NCKAP5: variants seen among roughly 807,000 people sequenced by gnomAD.
NCKAP5 encodes NCK associated protein 5, also known as nck-associated protein 5.
A neutral mutation model predicts 167.0 loss-of-function variants in NCKAP5; 92 were observed. The observed-to-expected ratio is 0.55, with a 90% CI of 0.47 to 0.66. The LOEUF is 0.66. Among genes scored for constraint, NCKAP5 ranks in the 30% least tolerant of loss-of-function variants. NCKAP5 has a pLI of 0.00. For synonymous variants in NCKAP5, 891 were observed against 877.4 expected (o/e 1.02, Z -0.27); for missense variants, 2,378 against 2,315.0 (o/e 1.03, Z -0.56).
chr2:132,730,643 A>C (rs532380802), intron 17 of NCKAP5, among the ~76,000 whole-genome samples: 50 of 152,350 alleles, frequency 3.3e-4, no homozygotes, highest in African/African-American at 1.1e-3. Flanking sequence ...GACAGTGTTT[A>C]ATCACGGAGT....
chr2:133,443,169 T>G (rs574913715), intron 3 of NCKAP5, among the ~76,000 whole-genome samples: 1 of 152,210 alleles, frequency 6.6e-6, no homozygotes, highest in Non-Finnish European at 1.5e-5. Flanking sequence ...TATGGGACTA[T>G]GGCATTGGGC....
chr2:133,391,695 C>T (rs950852492), intron 3 of NCKAP5, among the ~76,000 whole-genome samples: 4 of 152,166 alleles, frequency 2.6e-5, no homozygotes, highest in African/African-American at 9.7e-5. Flanking sequence ...CAGGCCCTCA[C>T]CATTTCTCTG....
At chr2:132,694,649 C>A (rs1687135935) in intron 19 of NCKAP5, among the ~76,000 whole-genome samples, 1 of 152,176 alleles carries the variant, frequency 6.6e-6, no homozygotes, top group Non-Finnish European at 1.5e-5. Context: ...TTCCTTCAAT[C>A]ACCTAAGAAT....
At position 133,514,960 on chromosome 2, in the gene NCKAP5, GA is replaced by G. The variant is rs566397125; in HGVS notation, c.69+2497del. 7.9e-5 allele frequency among the ~76,000 whole-genome samples: 12 copies of G among 152,106 alleles called. 1 individual carries two copies. In the South Asian group the frequency reaches 2.5e-3, roughly 32 times the overall value. On this transcript the variant is annotated intron_variant, in intron 3 of 19. Coordinates refer to ENST00000409261, the MANE Select transcript of NCKAP5 (RefSeq NM_207363.3). ...AAAATAAAAAGCATGCATTGGGAAT[GA>G]AAACTGTACTGTAATGCCAGGTTTG... is the stretch of plus-strand genomic sequence containing the variant.
intron 3 of NCKAP5, among the ~76,000 whole-genome samples, chr2:133,370,945 A>T (rs1255493028): frequency 6.6e-6 from 1 of 152,146 alleles, no homozygotes; most frequent in Non-Finnish European, 1.5e-5. Flanking sequence ...TACAAATGAG[A>T]TTCATTCAAG....
At position 133,211,631 on chromosome 2, in the gene NCKAP5, G is replaced by A. The variant is rs187311758; in HGVS notation, c.207+2085C>T. Among the ~76,000 whole-genome samples the A allele has an allele frequency of 7.2e-5, 11 of 152,282 alleles. No individual in the cohort carries two copies. The East Asian group carries it at 2.1e-3, about 29-fold the overall frequency. ...TATCTGTCTCACCAATCACTAGACT[G>A]TAAGCTGTCAGATTTTGCCTGTGTT... On this transcript the variant is annotated intron_variant, in intron 5 of 19. Coordinates refer to ENST00000409261, the MANE Select transcript of NCKAP5 (RefSeq NM_207363.3).
chr2:133,195,264 G>T (rs952054948), intron 5 of NCKAP5, among the ~76,000 whole-genome samples: 1 of 152,074 alleles, frequency 6.6e-6, no homozygotes, highest in East Asian at 1.9e-4. Flanking sequence ...TGTGGCTATC[G>T]AAATGACAAA....
rs58536438 is a variant in NCKAP5 at position 133,364,565 on chromosome 2, G to A, written c.70-61455C>T. ...CTAACAGTTCCTTAGTCCTTCCCTG[G>A]GTTTCATGTTCTCGACACTTTGGAA... is the stretch of plus-strand genomic sequence containing the variant. On this transcript the variant is annotated intron_variant, in intron 3 of 19. Coordinates refer to ENST00000409261, the MANE Select transcript of NCKAP5 (RefSeq NM_207363.3). Among the ~76,000 whole-genome samples the A allele has an allele frequency of 3.3e-3, 509 of 152,000 alleles. 7 individuals carry two copies. The highest frequency in any genetic ancestry group is 0.012 in the African/African-American group (486 of 41,460).
chr2:133,391,615 C>T (rs1444755224), intron 3 of NCKAP5, among the ~76,000 whole-genome samples: 1 of 152,160 alleles, frequency 6.6e-6, no homozygotes, highest in East Asian at 1.9e-4. Context: ...GGAAATCTTG[C>T]TCCCCAGCCC....
Position 132,783,224 on chromosome 2 carries a change from G to A in NCKAP5, c.3587C>T (p.Pro1196Leu). 6.2e-7 allele frequency: 1 copy of A among 1,613,972 alleles called. No individual in the cohort carries two copies. Among genetic ancestry groups the A allele is most frequent in the Non-Finnish European group, 8.5e-7 (1 of 1,179,882 alleles). ...NKSKPEDSKN[P>L]ASMEITAGER... is the part of the protein sequence containing the mutation. ...ACCCGCTGTGATCTCCATGCTTGCTGGATTCTTGGAGTCCTCTGGCTTAGA... is the reference window on the plus strand; with the variant it reads ...ACCCGCTGTGATCTCCATGCTTGCTAGATTCTTGGAGTCCTCTGGCTTAGA... The change falls in exon 14 of 20, where the codon CCA becomes CTA. Residue 1196 changes from proline to leucine, a missense_variant. This residue lies in a region of NCKAP5 where 1,325 missense variants were observed against 1,274.5 expected (regional missense o/e 1.04). Transcript: ENST00000409261.
At chr2:133,509,900 G>T (rs1459267141) in intron 3 of NCKAP5, among the ~76,000 whole-genome samples, 1 of 152,222 alleles carries the variant, frequency 6.6e-6, no homozygotes, top group Non-Finnish European at 1.5e-5. Flanking sequence ...TATTATGCCA[G>T]CTCAGGAAGG....
chr2:133,004,362 TC>T (rs1356098623), intron 6 of NCKAP5, among the ~76,000 whole-genome samples: 1 of 152,178 alleles, frequency 6.6e-6, no homozygotes, highest in Non-Finnish European at 1.5e-5. Context: ...CAATGTAGGT[TC>T]TTTTCTATTT....
intron 3 of NCKAP5, among the ~76,000 whole-genome samples, chr2:133,477,047 G>A (rs1466895320): frequency 6.6e-6 from 1 of 152,190 alleles, no homozygotes; most frequent in Non-Finnish European, 1.5e-5. Context: ...TTGTTGGTCA[G>A]TCTCAATACT....
At chr2:132,997,066 G>A (rs1288191651) in intron 6 of NCKAP5, among the ~76,000 whole-genome samples, 2 of 152,214 alleles carry the variant, frequency 1.3e-5, no homozygotes, top group African/African-American at 2.4e-5. Context: ...AGGGCTTCTC[G>A]TATGACAAAT....
At chr2:132,728,689 T>C in intron 18 of NCKAP5, 127 bp downstream of exon 18, 1 of 1,285,066 alleles carries the variant, frequency 7.8e-7, no homozygotes, top group African/African-American at 1.5e-5. Context: ...GACCTTGGTT[T>C]ATATTCAGTA....
chr2:133,401,774 G>A (rs1430547815), intron 3 of NCKAP5, among the ~76,000 whole-genome samples: 1 of 152,162 alleles, frequency 6.6e-6, no homozygotes, highest in African/African-American at 2.4e-5. Context: ...TCCAACCTGG[G>A]CTCTCATAAT....
chr2:133,581,320 A>T, the NCKAP5 span, among the ~76,000 whole-genome samples: 1 of 152,156 alleles, frequency 6.6e-6, no homozygotes, highest in African/African-American at 2.4e-5. Flanking sequence ...CCTGTGCCTC[A>T]TCCCCATCCA....
intron 8 of NCKAP5, among the ~76,000 whole-genome samples, chr2:132,953,984 G>T (rs956908151): frequency 3.3e-5 from 5 of 152,180 alleles, no homozygotes; most frequent in Non-Finnish European, 7.3e-5. Context: ...GAAAAGGCCT[G>T]CCTGAGAGAG....
At chr2:133,498,458 G>GGAAA (rs1241105682) in intron 3 of NCKAP5, among the ~76,000 whole-genome samples, 1 of 140,616 alleles carries the variant, frequency 7.1e-6, no homozygotes, top group Non-Finnish European at 1.5e-5. Flanking sequence ...AAGGAAGGAA[G>GGAAA]GAAGGAAGGA....
Sources: allele counts gnomAD v4.1 joint callset (sites outside exome capture counted in the v4.1 genomes callset), GRCh38; gene constraint gnomAD v4.1.1; regional missense constraint gnomAD v4.1.1; transcripts MANE v1.5; gene names NCBI Gene and HGNC (gene_info 2026-07-23, HGNC 2026-07-21).